Variants in FBXW7 observed in about 807,000 individuals in gnomAD.
FBXW7 encodes F-box/WD repeat-containing protein 7.
FBXW7 carries 11 observed loss-of-function variants against 86.3 expected under a neutral mutation model. The ratio of observed to expected loss-of-function variants is 0.13; its 90% CI spans 0.08 to 0.21. FBXW7 has a LOEUF of 0.21. Ranked by LOEUF, FBXW7 falls within the 10% of genes least tolerant of loss-of-function variation. The probability of loss-of-function intolerance (pLI) is 1.00; values close to 1 mark genes in which losing one functional copy is unlikely to be tolerated. For synonymous variants in FBXW7, 313 were observed against 297.9 expected (o/e 1.05, Z -0.52); for missense variants, 488 against 847.4 (o/e 0.58, Z 5.27).
intron 2 of FBXW7, among the ~76,000 whole-genome samples, chr4:152,448,994 C>T (rs770327156): frequency 6.6e-6 from 1 of 152,192 alleles, no homozygotes; most frequent in Admixed American, 6.5e-5. Flanking sequence ...TGTAAATGCA[C>T]ACGATTTCAA....
chr4:152,527,147 T>G (rs1208783888), intron 2 of FBXW7, among the ~76,000 whole-genome samples: 1 of 152,198 alleles, frequency 6.6e-6, no homozygotes, highest in African/African-American at 2.4e-5. Context: ...ACAACCACCA[T>G]GTAAAGGACA....
intron 2 of FBXW7, among the ~76,000 whole-genome samples, chr4:152,430,394 A>C (rs77915458): frequency 0.014 from 2,081 of 152,236 alleles, 26 homozygotes; most frequent in Middle Eastern, 0.037. Flanking sequence ...AAACTTTTTA[A>C]ATTTCTTGTG....
intron 2 of FBXW7, among the ~76,000 whole-genome samples, chr4:152,446,848 A>AAT (rs1741448088): frequency 6.6e-6 from 1 of 152,178 alleles, no homozygotes; most frequent in Non-Finnish European, 1.5e-5. Flanking sequence ...AAACATTTTC[A>AAT]ATATATATGA....
At chr4:152,382,211 C>G (rs1282458105) in intron 4 of FBXW7, 16 of 1,555,148 alleles carry the variant, frequency 1.0e-5, no homozygotes, top group Non-Finnish European at 1.4e-5. Context: ...AAAAGGGAGG[C>G]CTTGGGCAAT....
Position 152,535,883 on chromosome 4 carries a change from AG to A in FBXW7, c.-970del. 1.9e-5 allele frequency: 7 copies of A among 370,802 alleles called. No homozygotes were observed. The South Asian group carries it at 3.8e-4, about 20-fold the overall frequency. 23.0% of individuals were successfully genotyped at this position (370,802 alleles called of 1,614,324 possible). A position where few individuals can be genotyped will look rare whatever the true frequency, so the allele number is the denominator to read the frequency against. ...GCCGCCGCTGCCGGCCGGGAAGGTGAGGGGGGGAAAGGAGTGCGGCCGCGGC... is the reference window on the plus strand; with the variant it reads ...GCCGCCGCTGCCGGCCGGGAAGGTGAGGGGGGAAAGGAGTGCGGCCGCGGC... On this transcript the variant is annotated 5_prime_UTR_variant, in exon 1 of 14. Coordinates refer to ENST00000281708, the MANE Select transcript of FBXW7 (RefSeq NM_001349798.2).
At chr4:152,498,408 G>C (rs1486509592) in intron 2 of FBXW7, among the ~76,000 whole-genome samples, 1 of 152,144 alleles carries the variant, frequency 6.6e-6, no homozygotes, top group Non-Finnish European at 1.5e-5. Flanking sequence ...TGGAAATTGG[G>C]CCTCATGGCC....
At chr4:152,494,872 G>A (rs774547457) in intron 2 of FBXW7, among the ~76,000 whole-genome samples, 9 of 152,138 alleles carry the variant, frequency 5.9e-5, no homozygotes, top group Non-Finnish European at 1.3e-4. Context: ...TATAAGATAG[G>A]AGATGATACT....
At chr4:152,360,663 T>C (rs747232702) in intron 4 of FBXW7, among the ~76,000 whole-genome samples, 5 of 151,932 alleles carry the variant, frequency 3.3e-5, no homozygotes, top group Non-Finnish European at 7.4e-5. Context: ...AAACCGTTCA[T>C]CAGGTACAGA....
At chr4:152,353,167 C>T (rs1233270894) in intron 4 of FBXW7, among the ~76,000 whole-genome samples, 1 of 152,154 alleles carries the variant, frequency 6.6e-6, no homozygotes, top group Admixed American at 6.5e-5. Flanking sequence ...TACGGTCCCC[C>T]TGAACTGAGG....
In FBXW7 at chr4:152,353,823, T is replaced by C. The variant is rs927294982; in HGVS notation, c.502-3699A>G. 4.6e-5 allele frequency among the ~76,000 whole-genome samples: 7 copies of C among 152,332 alleles called. No individual in the cohort carries two copies. In the East Asian group the frequency reaches 1.2e-3, roughly 25 times the overall value. On this transcript the variant is annotated intron_variant, in intron 4 of 13. Transcript: ENST00000281708. ...TCACAACTACCTTCAGGGACAATTA[T>C]AAGATTCCTTGAGCTAGAAAAGCCC...
chr4:152,513,089 T>A (rs144635666), intron 2 of FBXW7, among the ~76,000 whole-genome samples: 55 of 152,260 alleles, frequency 3.6e-4, no homozygotes, highest in African/African-American at 1.3e-3. Flanking sequence ...CTCGAACCCT[T>A]GACCTCAGGT....
At chr4:152,357,373 T>C (rs995632369) in intron 4 of FBXW7, among the ~76,000 whole-genome samples, 1 of 151,862 alleles carries the variant, frequency 6.6e-6, no homozygotes, top group African/African-American at 2.4e-5. Flanking sequence ...CATGCTAGAG[T>C]GCAGTGGCGC....
chr4:152,523,312 A>C (rs958205336), intron 2 of FBXW7, among the ~76,000 whole-genome samples: 2 of 152,200 alleles, frequency 1.3e-5, no homozygotes, highest in Admixed American at 6.5e-5. Flanking sequence ...ACCAAAAAAA[A>C]CACATATTTT....
rs191249410 is a variant in FBXW7, at chr4:152,421,709, A to C, written c.-119-9180T>G. ...TGAGAGACATGCAACTCTTCTTTTC[A>C]CTTGAACACTTAGAAGCCACTGTAG... On this transcript the variant is annotated intron_variant, in intron 2 of 13. Coordinates refer to ENST00000281708, the MANE Select transcript of FBXW7 (RefSeq NM_001349798.2). Among the ~76,000 whole-genome samples the C allele has an allele frequency of 4.4e-4, 67 of 152,256 alleles. 2 individuals are homozygous for C. In the East Asian group the frequency reaches 0.012, roughly 28 times the overall value.
chr4:152,408,811 T>C (rs1737668961), intron 4 of FBXW7, among the ~76,000 whole-genome samples: 1 of 152,230 alleles, frequency 6.6e-6, no homozygotes, highest in Admixed American at 6.5e-5. Context: ...CATCACGTAG[T>C]GTAATCTGGG....
intron 4 of FBXW7, chr4:152,382,265 G>A: frequency 6.2e-7 from 1 of 1,605,470 alleles, no homozygotes; most frequent in South Asian, 1.1e-5. Flanking sequence ...ATGTGGTAGA[G>A]GCTCTTTTGC....
In FBXW7 at chr4:152,321,423, T is replaced by C; in HGVS notation, c.*1458A>G. ...TGAATCTGATTGTTTTAAATCAGAC[T>C]ATAAATAAAACAAACAAAAAAATAA... is the stretch of plus-strand genomic sequence containing the variant. On this transcript the variant is annotated 3_prime_UTR_variant, in exon 14 of 14. Coordinates refer to ENST00000281708, the MANE Select transcript of FBXW7 (RefSeq NM_001349798.2). The C allele has an allele frequency of 4.3e-6, 1 of 232,970 alleles. No homozygotes were observed. The highest frequency in any genetic ancestry group is 8.5e-6 in the Non-Finnish European group (1 of 117,604). 14.4% of individuals were successfully genotyped at this position (232,970 alleles called of 1,614,324 possible).
chr4:152,351,405 G>A (rs1560792095), intron 4 of FBXW7, among the ~76,000 whole-genome samples: 1 of 151,924 alleles, frequency 6.6e-6, no homozygotes, highest in Non-Finnish European at 1.5e-5. Context: ...CATACCTACT[G>A]GAAAGAAATG....
intron 2 of FBXW7, among the ~76,000 whole-genome samples, chr4:152,477,686 C>T (rs970711162): frequency 2.6e-5 from 4 of 152,126 alleles, no homozygotes; most frequent in Admixed American, 2.6e-4. Flanking sequence ...AGGTCAATAA[C>T]CATCTACTGT....
Sources: allele counts gnomAD v4.1 joint callset (sites outside exome capture counted in the v4.1 genomes callset), GRCh38; gene constraint gnomAD v4.1.1; transcripts MANE v1.5; gene names NCBI Gene and HGNC (gene_info 2026-07-23, HGNC 2026-07-21).